The following LUZP2 variants were observed in gnomAD, a reference collection of about 807,000 sequenced individuals.
The protein encoded by LUZP2 is leucine zipper protein 2.
LUZP2 carries 52 observed loss-of-function variants against 51.6 expected under a neutral mutation model. That is an observed-to-expected ratio of 1.01 (90% CI 0.81 to 1.27). The LOEUF is 1.27. LUZP2 is among the 50% of genes most tolerant of loss of function. The pLI is 0.00. For missense variants in LUZP2, 436 were observed against 395.4 expected, an observed-to-expected ratio of 1.10 and a Z score of -0.87; for synonymous variants, 154 against 137.3, an observed-to-expected ratio of 1.12 and a Z score of -0.85.
Position 24,839,173 on chromosome 11 carries a change from C to A in LUZP2, c.397-66818C>A, listed in dbSNP as rs1490048423. On this transcript the variant is annotated intron_variant, in intron 5 of 11. Coordinates refer to ENST00000336930, the MANE Select transcript of LUZP2 (RefSeq NM_001009909.4). ...CTTTCATGTTTTGTACATATTCTTT[C>A]AAATAATTTTTTAAAAAGTTGACCC... Among the ~76,000 whole-genome samples, 10 of 151,636 alleles carry A rather than the reference C, an allele frequency of 6.6e-5. No homozygotes were observed. In the East Asian group the frequency reaches 1.9e-3, roughly 29 times the overall value.
chr11:24,969,866 A>T (rs568386039), intron 7 of LUZP2, among the ~76,000 whole-genome samples: 17 of 152,190 alleles, frequency 1.1e-4, no homozygotes, highest in African/African-American at 3.9e-4. Flanking sequence ...CCATCTCATG[A>T]CTTGTTCATC....
intron 5 of LUZP2, among the ~76,000 whole-genome samples, chr11:24,878,969 T>TTATG (rs1188460153): frequency 2.6e-5 from 4 of 151,722 alleles, no homozygotes; most frequent in African/African-American, 9.7e-5. Context: ...ATTTATATTT[T>TTATG]TATTTATTTA....
intron 9 of LUZP2, among the ~76,000 whole-genome samples, chr11:25,004,948 G>C (rs1856792703): frequency 6.6e-6 from 1 of 152,160 alleles, no homozygotes; most frequent in East Asian, 1.9e-4. Context: ...GCCGGGGTTT[G>C]ATCTCACAAG....
intron 7 of LUZP2, among the ~76,000 whole-genome samples, chr11:24,938,686 C>T (rs555449190): frequency 9.5e-4 from 145 of 151,954 alleles, no homozygotes; most frequent in African/African-American, 3.3e-3. Flanking sequence ...GAAAATGATA[C>T]CATATTAATA....
intron 9 of LUZP2, among the ~76,000 whole-genome samples, chr11:25,008,789 G>A (rs990383272): frequency 1.3e-5 from 2 of 152,178 alleles, no homozygotes; most frequent in African/African-American, 2.4e-5. Context: ...AGAAGCAGGA[G>A]GCCCAATGTG....
chr11:24,893,770 A>G (rs1852930292), intron 5 of LUZP2, among the ~76,000 whole-genome samples: 1 of 23,682 alleles, frequency 4.2e-5, no homozygotes, highest in Non-Finnish European at 8.9e-5. Context: ...ACAAATACAC[A>G]CGCACACACA....
At chr11:24,625,084 T>C (rs10767224) in intron 1 of LUZP2, among the ~76,000 whole-genome samples, 67,893 of 151,762 alleles carry the variant, frequency 0.45, 15,404 homozygotes, top group African/African-American at 0.52. Context: ...TTAAGCCAGA[T>C]GCAGAAAGAC....
chr11:24,763,246 A>G lies in LUZP2; in HGVS notation c.334A>G (p.Ile112Val). The G allele has an allele frequency of 7.4e-7, 1 of 1,358,674 alleles. No homozygotes were observed. 84.2% of individuals were successfully genotyped at this position (1,358,674 alleles called of 1,614,324 possible). Reference protein sequence around the residue: ...SEKAEKHQATINFLKTEVERK... With the variant: ...SEKAEKHQATVNFLKTEVERK... ...TACATAATAGTCTATTCATTTTCAG[A>G]TTAATTTTTTAAAGACTGAAGTTGA... is the stretch of plus-strand genomic sequence containing the variant. Residue 112 changes from isoleucine (I) to valine (V), a missense_variant and splice_region_variant, in exon 5 of 12, where the codon ATT (isoleucine) becomes GTT (valine). Ile to Val is a conservative substitution (Grantham distance 29). Coordinates refer to ENST00000336930, the MANE Select transcript of LUZP2 (RefSeq NM_001009909.4).
intron 5 of LUZP2, among the ~76,000 whole-genome samples, chr11:24,854,157 G>A (rs1825723): frequency 6.6e-6 from 1 of 152,084 alleles, no homozygotes. Context: ...TGTGCTGGGA[G>A]ATCTGCTGCT....
At chr11:24,746,210 T>G (rs1859374183) in intron 4 of LUZP2, among the ~76,000 whole-genome samples, 1 of 152,196 alleles carries the variant, frequency 6.6e-6, no homozygotes, top group South Asian at 2.1e-4. Context: ...TTTCAAGATT[T>G]AGCATTCCTT....
At chr11:24,523,488 C>CT (rs962291201) in intron 1 of LUZP2, among the ~76,000 whole-genome samples, 11 of 139,876 alleles carry the variant, frequency 7.9e-5, no homozygotes, top group East Asian at 4.0e-4. Context: ...TATCAAGCTT[C>CT]TTTTTTTTAC....
At chr11:24,680,644 T>C (rs1356695541) in intron 1 of LUZP2, among the ~76,000 whole-genome samples, 1 of 152,180 alleles carries the variant, frequency 6.6e-6, no homozygotes, top group Non-Finnish European at 1.5e-5. Context: ...GGAAAAATTT[T>C]GGTGTGGGGC....
chr11:24,811,884 C>G (rs774209894), intron 5 of LUZP2, among the ~76,000 whole-genome samples: 2 of 151,926 alleles, frequency 1.3e-5, no homozygotes, highest in Non-Finnish European at 1.5e-5. Context: ...CAAAGGTCAG[C>G]GAATGGGGCC....
At chr11:24,814,576 C>A (rs917093981) in intron 5 of LUZP2, among the ~76,000 whole-genome samples, 1 of 152,162 alleles carries the variant, frequency 6.6e-6, no homozygotes, top group South Asian at 2.1e-4. Flanking sequence ...TCCTTTCTTG[C>A]AAATGGTTTC....
intron 5 of LUZP2, among the ~76,000 whole-genome samples, chr11:24,839,957 A>G (rs1005660690): frequency 4.6e-5 from 7 of 151,760 alleles, no homozygotes; most frequent in African/African-American, 1.7e-4. Context: ...TCTCTCAAAT[A>G]TCATGCCATC....
At chr11:24,622,297 G>A (rs1377317734) in intron 1 of LUZP2, among the ~76,000 whole-genome samples, 1 of 150,680 alleles carries the variant, frequency 6.6e-6, no homozygotes, top group Non-Finnish European at 1.5e-5. Flanking sequence ...CCCCACAACA[G>A]GCCCCAGTGT....
intron 7 of LUZP2, among the ~76,000 whole-genome samples, chr11:24,947,682 T>G (rs7481402): frequency 0.47 from 70,529 of 151,520 alleles, 16,728 homozygotes; most frequent in East Asian, 0.74. Context: ...GTTCATCTGG[T>G]AATACCTTTT....
At chr11:24,909,940 G>C (rs932915392) in intron 6 of LUZP2, among the ~76,000 whole-genome samples, 2 of 152,176 alleles carry the variant, frequency 1.3e-5, no homozygotes, top group Non-Finnish European at 2.9e-5. Flanking sequence ...ATGTGGGGTA[G>C]TTTGGAACTT....
At chr11:24,528,227 GCAAT>G (rs936509931) in intron 1 of LUZP2, among the ~76,000 whole-genome samples, 2 of 150,894 alleles carry the variant, frequency 1.3e-5, no homozygotes, top group African/African-American at 4.9e-5. Context: ...ACATTAATAG[GCAAT>G]CAACAAACAA....
Sources: allele counts gnomAD v4.1 joint callset (sites outside exome capture counted in the v4.1 genomes callset), GRCh38; gene constraint gnomAD v4.1.1; transcripts MANE v1.5; gene names NCBI Gene and HGNC (gene_info 2026-07-23, HGNC 2026-07-21).